The following GSK3B variants were observed in gnomAD, a reference collection of about 807,000 sequenced individuals.
GSK3B encodes glycogen synthase kinase-3 beta.
In GSK3B, 15 loss-of-function variants were observed where a neutral mutation model predicts 56.4. The observed-to-expected ratio is 0.27, with a 90% CI of 0.18 to 0.41. The LOEUF (loss-of-function observed/expected upper bound fraction) is 0.41, where lower values mean the gene tolerates loss of function less well. Ranked by LOEUF, GSK3B falls within the 10% of genes least tolerant of loss-of-function variation. The pLI is 1.00. For missense variants in GSK3B, 300 were observed against 513.4 expected, an observed-to-expected ratio of 0.58 and a Z score of 4.02; for synonymous variants, 181 against 188.9, an observed-to-expected ratio of 0.96 and a Z score of 0.34.
intron 10 of GSK3B, among the ~76,000 whole-genome samples, chr3:119,828,668 C>T (rs1335395266): frequency 1.3e-5 from 2 of 152,232 alleles, no homozygotes; most frequent in South Asian, 4.2e-4. Flanking sequence ...ACAGAATATC[C>T]AAGGACACAT....
intron 1 of GSK3B, among the ~76,000 whole-genome samples, chr3:120,082,385 CTTTTTTTT>C (rs1173737285): frequency 2.7e-4 from 18 of 66,382 alleles, no homozygotes; most frequent in Admixed American, 3.8e-4. Context: ...TTAGTATGTT[CTTTTTTTT>C]TTTTTTTTTT....
chr3:119,958,244 T>C (rs111598808), intron 2 of GSK3B, among the ~76,000 whole-genome samples: 3,951 of 152,282 alleles, frequency 0.026, 177 homozygotes, highest in African/African-American at 0.089. Context: ...CCCAGCCATG[T>C]GGAACTGTGA....
At chr3:119,985,588 C>G (rs2057508066) in intron 2 of GSK3B, among the ~76,000 whole-genome samples, 1 of 152,100 alleles carries the variant, frequency 6.6e-6, no homozygotes, top group Non-Finnish European at 1.5e-5. Flanking sequence ...TTCACAATTG[C>G]TACAAAGAGA....
At chr3:119,833,625 A>G in intron 10 of GSK3B, among the ~76,000 whole-genome samples, 1 of 152,148 alleles carries the variant, frequency 6.6e-6, no homozygotes, top group Non-Finnish European at 1.5e-5. Flanking sequence ...CATATTTTAG[A>G]CAAATCAAAT....
intron 6 of GSK3B, among the ~76,000 whole-genome samples, chr3:119,909,231 G>A (rs773610574): frequency 2.6e-5 from 4 of 152,012 alleles, no homozygotes; most frequent in Admixed American, 1.3e-4. Flanking sequence ...GGCTGGTCTC[G>A]AACTCCTGAG....
In GSK3B at chr3:119,912,784, G is replaced by C. The variant is rs1433092365; in HGVS notation, c.635C>G (p.Pro212Arg). 6.3e-7 allele frequency: 1 copy of C among 1,591,328 alleles called. No homozygotes were observed. Among genetic ancestry groups the C allele is most frequent in the Admixed American group, 1.7e-5 (1 of 59,738 alleles). The change falls in exon 6 of 11, where the codon CCC (proline) becomes CGC (arginine). Residue 212 changes from proline (P) to arginine (R), a missense_variant. Pro to Arg is a moderately radical substitution (Grantham distance 103). Around this residue, in one of 6 missense-constraint regions of GSK3B, gnomAD observed 39 missense variants for 154.6 expected, o/e 0.25. Coordinates refer to ENST00000264235, the MANE Select transcript of GSK3B (RefSeq NM_001146156.2). ...GSAKQLVRGE[P>R]NVSYICSRYY... The stretch of plus-strand genomic sequence containing the variant: ...CCGAGAACAGATATACGAAACATTG[G>C]GTTCTCCTCGGACCAGCTGCTTTGC...
chr3:120,005,069 G>C (rs1481024215), intron 1 of GSK3B, among the ~76,000 whole-genome samples: 1 of 152,070 alleles, frequency 6.6e-6, no homozygotes, highest in African/African-American at 2.4e-5. Flanking sequence ...AAACAGTGTA[G>C]AGAAGAGCTT....
At chr3:120,014,072 T>A (rs1474342154) in intron 1 of GSK3B, among the ~76,000 whole-genome samples, 1 of 148,490 alleles carries the variant, frequency 6.7e-6, no homozygotes, top group African/African-American at 2.5e-5. Flanking sequence ...GAGGCGGAGG[T>A]TGCAGTGAGC....
intron 1 of GSK3B, among the ~76,000 whole-genome samples, chr3:120,027,435 C>T (rs1033220311): frequency 2.0e-5 from 3 of 150,442 alleles, no homozygotes; most frequent in Non-Finnish European, 4.4e-5. Context: ...TGACCCAGTA[C>T]TTCCCTTTCT....
In GSK3B at chr3:119,822,921, T is replaced by A. The variant is rs895335372; in HGVS notation, c.*3867A>T. The stretch of plus-strand genomic sequence containing the variant: ...AAGGGAAAAATAGATGAAATGCCAG[T>A]GTCTTCATATCCACAGGGATAGAGA... On this transcript the variant is annotated 3_prime_UTR_variant, in exon 11 of 11. Coordinates refer to ENST00000264235, the MANE Select transcript of GSK3B (RefSeq NM_001146156.2). 8.7e-6 allele frequency: 2 copies of A among 229,168 alleles called. No homozygotes were observed. The highest frequency in any genetic ancestry group is 4.4e-5 in the African/African-American group (2 of 45,146). The allele number at this position is 229,168 out of a possible 1,614,324, so 14.2% of individuals were successfully genotyped here.
At chr3:119,927,171 C>G (rs1467934079) in intron 3 of GSK3B, among the ~76,000 whole-genome samples, 3 of 152,124 alleles carry the variant, frequency 2.0e-5, no homozygotes, top group Non-Finnish European at 4.4e-5. Context: ...ACATATTTCA[C>G]AATGTATACA....
intron 1 of GSK3B, among the ~76,000 whole-genome samples, chr3:120,010,537 A>T: frequency 6.6e-6 from 1 of 152,226 alleles, no homozygotes; most frequent in East Asian, 1.9e-4. Context: ...TATCCAAGTC[A>T]AAACTGTAAC....
chr3:119,853,331 T>C (rs940470578), intron 9 of GSK3B, among the ~76,000 whole-genome samples: 4 of 152,260 alleles, frequency 2.6e-5, no homozygotes, highest in African/African-American at 4.8e-5. Context: ...TGTAGCCTTG[T>C]AGTATAGTTC....
intron 1 of GSK3B, among the ~76,000 whole-genome samples, chr3:120,088,174 G>A (rs1407152772): frequency 2.0e-5 from 3 of 152,178 alleles, no homozygotes; most frequent in South Asian, 2.1e-4. Flanking sequence ...TTACAGGCGT[G>A]AGCCACCGTG....
At chr3:119,899,036 C>T (rs1230347931) in intron 7 of GSK3B, among the ~76,000 whole-genome samples, 1 of 152,114 alleles carries the variant, frequency 6.6e-6, no homozygotes, top group African/African-American at 2.4e-5. Flanking sequence ...GATCTTCTGA[C>T]TGTACACCAG....
chr3:119,969,490 C>T (rs1218588294), intron 2 of GSK3B, among the ~76,000 whole-genome samples: 5 of 152,098 alleles, frequency 3.3e-5, no homozygotes, highest in Non-Finnish European at 5.9e-5. Context: ...CAGATATCAA[C>T]AAACTGATTC....
At chr3:119,958,864 T>C (rs537813211) in intron 2 of GSK3B, among the ~76,000 whole-genome samples, 7 of 152,220 alleles carry the variant, frequency 4.6e-5, no homozygotes, top group South Asian at 2.1e-4. Context: ...ACTTGTCTCT[T>C]AGACCATTTG....
At chr3:119,826,992 C>G in intron 10 of GSK3B, 137 bp from the exon 11 acceptor site, 1 of 622,300 alleles carries the variant, frequency 1.6e-6, no homozygotes. Context: ...TTAAATAAGG[C>G]CAACACTATG....
chr3:119,996,104 T>C (rs1285457147), intron 2 of GSK3B, among the ~76,000 whole-genome samples: 1 of 152,248 alleles, frequency 6.6e-6, no homozygotes, highest in Non-Finnish European at 1.5e-5. Context: ...TGAAACTAAT[T>C]TTTAAACTAC....
Sources: gnomAD v4.1 joint callset for allele counts (sites outside exome capture counted in the v4.1 genomes callset) on GRCh38, gnomAD v4.1.1 for gene constraint, gnomAD v4.1.1 regional missense constraint, MANE v1.5 for transcripts, NCBI Gene and HGNC (gene_info 2026-07-23, HGNC 2026-07-21) for gene names.